FRMD6: variants seen among roughly 807,000 people sequenced by gnomAD.
FRMD6 encodes the protein FERM domain containing 6, also known as FERM domain-containing protein 6.
Under a neutral mutation model 73.2 loss-of-function variants are expected in FRMD6, and 37 were observed. That is an observed-to-expected ratio of 0.51 (90% CI 0.39 to 0.66). FRMD6 has a LOEUF of 0.66. Among genes scored for constraint, FRMD6 ranks in the 30% least tolerant of loss-of-function variants. The pLI is 0.00. For synonymous variants in FRMD6, 273 were observed against 282.2 expected, an observed-to-expected ratio of 0.97 and a Z score of 0.33; for missense variants, 714 against 780.5, an observed-to-expected ratio of 0.91 and a Z score of 1.02.
chr14:51,653,235 C>T (rs940590878), intron 1 of FRMD6, among the ~76,000 whole-genome samples: 3 of 152,086 alleles, frequency 2.0e-5, no homozygotes, highest in Non-Finnish European at 2.9e-5. Flanking sequence ...TCTCTGGGAC[C>T]GGGCAATGTT....
chr14:51,582,080 A>G (rs911090846), intron 2 of FRMD6, among the ~76,000 whole-genome samples: 3 of 152,202 alleles, frequency 2.0e-5, no homozygotes, highest in Admixed American at 6.5e-5. Flanking sequence ...AGCTTCTAGC[A>G]TAGGGCTCAA....
intron 1 of FRMD6, among the ~76,000 whole-genome samples, chr14:51,534,712 A>G (rs1282523089): frequency 2.6e-5 from 4 of 152,196 alleles, no homozygotes; most frequent in Non-Finnish European, 4.4e-5. Context: ...AGAAAAATCA[A>G]TATCTGCTAC....
At chr14:51,603,256 C>T (rs1028908642) in intron 2 of FRMD6, among the ~76,000 whole-genome samples, 12 of 116,624 alleles carry the variant, frequency 1.0e-4, no homozygotes, top group African/African-American at 3.6e-4. Flanking sequence ...TTATAAGCCA[C>T]ATAGTTTATG....
the FRMD6 span, among the ~76,000 whole-genome samples, chr14:51,406,964 G>T: frequency 1.3e-5 from 2 of 151,964 alleles, no homozygotes; most frequent in African/African-American, 4.8e-5. Context: ...ATAGATTTTT[G>T]TATCAGACAA....
chr14:51,527,167 T>C (rs1434003099), intron 1 of FRMD6, among the ~76,000 whole-genome samples: 6 of 152,236 alleles, frequency 3.9e-5, no homozygotes, highest in Non-Finnish European at 8.8e-5. Flanking sequence ...TCGGAAAGAC[T>C]CTATATGATT....
chr14:51,670,823 T>C (rs112196255), intron 1 of FRMD6, among the ~76,000 whole-genome samples: 1,922 of 152,136 alleles, frequency 0.013, 44 homozygotes, highest in African/African-American at 0.042. Context: ...TTTTTTGTAT[T>C]TTTAGTAGAG....
the FRMD6 span, among the ~76,000 whole-genome samples, chr14:51,423,838 C>G: frequency 1.3e-5 from 2 of 152,204 alleles, no homozygotes; most frequent in African/African-American, 4.8e-5. Flanking sequence ...TTCCTTACAT[C>G]TGGAGAGCTG....
the FRMD6 span, among the ~76,000 whole-genome samples, chr14:51,479,799 C>T: frequency 3.3e-5 from 5 of 152,068 alleles, no homozygotes; most frequent in African/African-American, 1.2e-4. Flanking sequence ...GAGCTGGATA[C>T]CTGAGTGATT....
At chr14:51,454,336 G>A in the FRMD6 span, among the ~76,000 whole-genome samples, 2 of 152,170 alleles carry the variant, frequency 1.3e-5, no homozygotes, top group African/African-American at 4.8e-5. Flanking sequence ...AGAAAAAATA[G>A]AACAAAGACC....
chr14:51,565,886 C>T (rs777020380), intron 1 of FRMD6, among the ~76,000 whole-genome samples: 10 of 152,100 alleles, frequency 6.6e-5, no homozygotes, highest in Non-Finnish European at 1.2e-4. Flanking sequence ...AGACAGTGGC[C>T]GGGCACGGTG....
intron 4 of FRMD6, among the ~76,000 whole-genome samples, chr14:51,702,150 T>G (rs1189230840): frequency 1.3e-5 from 2 of 152,022 alleles, no homozygotes; most frequent in Non-Finnish European, 2.9e-5. Context: ...AAGAGAACAT[T>G]TGTAATAAGG....
chr14:51,538,254 C>CT (rs1316125349), intron 1 of FRMD6, among the ~76,000 whole-genome samples: 1 of 151,796 alleles, frequency 6.6e-6, no homozygotes, highest in East Asian at 1.9e-4. Context: ...ATTGGGTTGT[C>CT]TTTTTTATTG....
intron 1 of FRMD6, among the ~76,000 whole-genome samples, chr14:51,669,349 A>G (rs1245610250): frequency 1.3e-5 from 2 of 152,162 alleles, no homozygotes; most frequent in Non-Finnish European, 2.9e-5. Context: ...TACTATAAGC[A>G]TTTATGTATT....
chr14:51,718,214 G>A lies in FRMD6; in HGVS notation c.1025-1841G>A, dbSNP rs947725169. On this transcript the variant is annotated intron_variant, in intron 10 of 13. Transcript: ENST00000344768. ...AAGGGTCTGGTACAGCACTAGGGAGGGAAGAGAAGCCAGCCATGTGGAACA... is the reference window on the plus strand; with the variant it reads ...AAGGGTCTGGTACAGCACTAGGGAGAGAAGAGAAGCCAGCCATGTGGAACA... 3.9e-5 allele frequency among the ~76,000 whole-genome samples: 6 copies of A among 152,298 alleles called. No individual in the cohort carries two copies. In the South Asian group the frequency reaches 1.2e-3, roughly 32 times the overall value.
At chr14:51,679,474 T>C (rs1325993480) in intron 1 of FRMD6, among the ~76,000 whole-genome samples, 1 of 150,986 alleles carries the variant, frequency 6.6e-6, no homozygotes, top group African/African-American at 2.4e-5. Context: ...GAGGATCACT[T>C]TCATTTGTCG....
At chr14:51,450,710 TA>T in the FRMD6 span, among the ~76,000 whole-genome samples, 1 of 152,138 alleles carries the variant, frequency 6.6e-6, no homozygotes, top group Non-Finnish European at 1.5e-5. Context: ...TATAAAAAAA[TA>T]AAAAGCCATC....
chr14:51,452,344 T>G, the FRMD6 span, among the ~76,000 whole-genome samples: 3 of 152,176 alleles, frequency 2.0e-5, no homozygotes, highest in South Asian at 6.2e-4. Flanking sequence ...TGTGACAGTT[T>G]TAAGATTGAG....
chr14:51,557,289 C>T (rs1452251509), intron 1 of FRMD6, among the ~76,000 whole-genome samples: 1 of 151,548 alleles, frequency 6.6e-6, no homozygotes, highest in African/African-American at 2.4e-5. Flanking sequence ...TACATACATA[C>T]ATAGGAATAT....
chr14:51,496,803 C>T (rs1371365624), intron 1 of FRMD6, among the ~76,000 whole-genome samples: 1 of 152,136 alleles, frequency 6.6e-6, no homozygotes, highest in Non-Finnish European at 1.5e-5. Context: ...CTCATCCCTC[C>T]AAGACACTTA....
Sources: allele counts gnomAD v4.1 joint callset (sites outside exome capture counted in the v4.1 genomes callset), GRCh38; gene constraint gnomAD v4.1.1; transcripts MANE v1.5; gene names NCBI Gene and HGNC (gene_info 2026-07-23, HGNC 2026-07-21).